PARD3B: variants seen among roughly 807,000 people sequenced by gnomAD.
The protein encoded by PARD3B is partitioning defective 3 homolog B.
In PARD3B, 103 loss-of-function variants were observed where a neutral mutation model predicts 130.2. That is an observed-to-expected ratio of 0.79 (90% confidence interval 0.67 to 0.93). The LOEUF is 0.93. Among genes scored for constraint, PARD3B ranks in the 40% least tolerant of loss-of-function variants. The pLI is 0.00. For missense variants in PARD3B, 1,609 were observed against 1,499.2 expected (o/e 1.07, Z -1.21); for synonymous variants, 583 against 553.2 (o/e 1.05, Z -0.76).
At chr2:205,054,404 TTATATATATA>T (rs1298451651) in intron 4 of PARD3B, among the ~76,000 whole-genome samples, 10 of 33,816 alleles carry the variant, frequency 3.0e-4, no homozygotes, top group African/African-American at 3.6e-4. Context: ...GACATGTCTT[TTATATATATA>T]TATATATATA....
rs1164748511 is a variant in PARD3B, at chr2:205,292,009, G to T, written c.2186-8521G>T. On this transcript the variant is annotated intron_variant, in intron 16 of 22. Transcript: ENST00000406610. This position sits in a 1 kb window ranked among gnomAD's most constrained non-coding sequence, Gnocchi z 5.3. ...GAGTGGTGTCAAAGGAGGGGCTGCTGGTGCCCTCAGGACCTCAGTGCATGC... is the reference window on the plus strand; with the variant it reads ...GAGTGGTGTCAAAGGAGGGGCTGCTTGTGCCCTCAGGACCTCAGTGCATGC... Among the ~76,000 whole-genome samples, 1 of 152,182 alleles carries T rather than the reference G, an allele frequency of 6.6e-6. No homozygotes were observed. The highest frequency in any genetic ancestry group is 1.5e-5 in the Non-Finnish European group (1 of 68,042).
chr2:205,340,927 G>A (rs1225591326), intron 18 of PARD3B, among the ~76,000 whole-genome samples: 1 of 151,968 alleles, frequency 6.6e-6, no homozygotes, highest in Non-Finnish European at 1.5e-5. Context: ...ATTAAAATGT[G>A]CACAAATAAG....
rs148563395 is a variant in PARD3B, at chr2:204,840,688, G to A, written c.223-124464G>A. Among the ~76,000 whole-genome samples the A allele has an allele frequency of 6.3e-3, 952 of 152,148 alleles. 4 individuals are homozygous for A. The highest frequency in any genetic ancestry group is 0.01 in the Non-Finnish European group (701 of 67,992). On this transcript the variant is annotated intron_variant, in intron 2 of 22. Transcript: ENST00000406610. ...CTTATCTAACCACAATGATAAGTACGGTAGTGTCATCCAGGGTTTCATCTT... is the reference window on the plus strand; with the variant it reads ...CTTATCTAACCACAATGATAAGTACAGTAGTGTCATCCAGGGTTTCATCTT...
intron 22 of PARD3B, among the ~76,000 whole-genome samples, chr2:205,596,862 G>T (rs1559254342): frequency 6.6e-6 from 1 of 151,934 alleles, no homozygotes; most frequent in Non-Finnish European, 1.5e-5. Flanking sequence ...GAAGGATGAG[G>T]GAAGCCCTTT....
At chr2:205,030,532 C>T (rs1697341432) in intron 3 of PARD3B, among the ~76,000 whole-genome samples, 1 of 152,010 alleles carries the variant, frequency 6.6e-6, no homozygotes, top group Admixed American at 6.6e-5. Context: ...GGGAACTTAA[C>T]GTTTCTTCTG....
At chr2:205,614,717 TA>T (rs557171777) in intron 22 of PARD3B, among the ~76,000 whole-genome samples, 2,209 of 138,284 alleles carry the variant, frequency 0.016, 35 homozygotes, top group African/African-American at 0.044. Context: ...AAAAAAAAAT[TA>T]AAAAAAAAAA....
chr2:205,438,895 A>G (rs1185456922), intron 19 of PARD3B, among the ~76,000 whole-genome samples: 1 of 152,164 alleles, frequency 6.6e-6, no homozygotes, highest in Non-Finnish European at 1.5e-5. Context: ...TAACTTGAGG[A>G]TAGGTGCTGG....
chr2:205,094,145 C>A (rs1040366496), intron 4 of PARD3B, among the ~76,000 whole-genome samples: 5 of 152,166 alleles, frequency 3.3e-5, no homozygotes, highest in Non-Finnish European at 5.9e-5. Flanking sequence ...CTGAAGAAAA[C>A]CCTTCCCCAA....
At chr2:205,374,180 G>GAAAAA (rs58332160) in intron 18 of PARD3B, among the ~76,000 whole-genome samples, 3 of 143,392 alleles carry the variant, frequency 2.1e-5, no homozygotes, top group African/African-American at 2.6e-5. Context: ...GAGGAAAAAT[G>GAAAAA]AAAAAAAAAA....
chr2:204,944,853 T>G (rs1689186555), intron 2 of PARD3B, among the ~76,000 whole-genome samples: 1 of 152,196 alleles, frequency 6.6e-6, no homozygotes, highest in South Asian at 2.1e-4. Flanking sequence ...TCTCTCCAGC[T>G]TACCTCACAG....
At chr2:205,480,694 C>T (rs967563670) in intron 20 of PARD3B, among the ~76,000 whole-genome samples, 1 of 152,164 alleles carries the variant, frequency 6.6e-6, no homozygotes, top group Non-Finnish European at 1.5e-5. Flanking sequence ...GTAAAACAGC[C>T]TGAACAGGAC....
Position 205,292,090 on chromosome 2 carries a change from T to A in PARD3B, c.2186-8440T>A, listed in dbSNP as rs775107492. On this transcript the variant is annotated intron_variant, in intron 16 of 22. Transcript: ENST00000406610. This position sits in a 1 kb window ranked among gnomAD's most constrained non-coding sequence, Gnocchi z 5.3. The stretch of plus-strand genomic sequence containing the variant: ...TATTCCTTGTGCTGTAGTGTCAAAT[T>A]GCTTGGACACCCCAGGTAGAGCTCC... Among the ~76,000 whole-genome samples the A allele has an allele frequency of 6.6e-6, 1 of 152,132 alleles. No individual in the cohort carries two copies. Among genetic ancestry groups the A allele is most frequent in the Non-Finnish European group, 1.5e-5 (1 of 68,022 alleles).
At chr2:205,036,258 G>A (rs1228401950) in intron 3 of PARD3B, among the ~76,000 whole-genome samples, 3 of 144,144 alleles carry the variant, frequency 2.1e-5, no homozygotes, top group African/African-American at 5.1e-5. Flanking sequence ...TATGTATATA[G>A]TGGGCTATAT....
intron 1 of PARD3B, among the ~76,000 whole-genome samples, chr2:204,608,652 C>G (rs981278989): frequency 1.3e-5 from 2 of 152,218 alleles, no homozygotes; most frequent in South Asian, 4.1e-4. Flanking sequence ...ATTCATTTCA[C>G]AGGGATCTCA....
chr2:205,332,931 A>C (rs568589753), intron 18 of PARD3B, among the ~76,000 whole-genome samples: 1 of 152,222 alleles, frequency 6.6e-6, no homozygotes, highest in Non-Finnish European at 1.5e-5. Context: ...TTAGTGATTC[A>C]TTCCTTAGCT....
At chr2:204,775,186 T>TA (rs1001831438) in intron 2 of PARD3B, among the ~76,000 whole-genome samples, 36 of 152,068 alleles carry the variant, frequency 2.4e-4, no homozygotes, top group African/African-American at 7.7e-4. Flanking sequence ...TAAATACGGA[T>TA]AAAAAAAGTG....
In PARD3B at chr2:205,162,784, C is replaced by A. The variant is rs922647399; in HGVS notation, c.1620+3877C>A. Among the ~76,000 whole-genome samples the A allele has an allele frequency of 5.3e-5, 8 of 152,258 alleles. 1 individual carries two copies. The South Asian group carries it at 1.7e-3, about 32-fold the overall frequency. Reference sequence around the variant, plus strand: ...AATCCACATCAAAATGTCCCTAAATCCACATCAAAATTTGCGTTTTATTTT... The same window carrying A: ...AATCCACATCAAAATGTCCCTAAATACACATCAAAATTTGCGTTTTATTTT... On this transcript the variant is annotated intron_variant, in intron 11 of 22. Coordinates refer to ENST00000406610, the MANE Select transcript of PARD3B (RefSeq NM_001302769.2).
At chr2:204,596,962 C>CTCTATATA (rs1559176131) in intron 1 of PARD3B, among the ~76,000 whole-genome samples, 1 of 146,216 alleles carries the variant, frequency 6.8e-6, no homozygotes, top group African/African-American at 2.5e-5. Flanking sequence ...CTCTCTCTCT[C>CTCTATATA]TATATATATA....
At chr2:205,496,672 G>A (rs912721364) in intron 20 of PARD3B, among the ~76,000 whole-genome samples, 2 of 152,018 alleles carry the variant, frequency 1.3e-5, no homozygotes, top group East Asian at 1.9e-4. Context: ...TTTGAGAACA[G>A]CAATCTGATC....
Sources: gnomAD v4.1 joint callset for allele counts (sites outside exome capture counted in the v4.1 genomes callset) on GRCh38, gnomAD v4.1.1 for gene constraint, Gnocchi (gnomAD v3.1) non-coding constraint, MANE v1.5 for transcripts, NCBI Gene and HGNC (gene_info 2026-07-23, HGNC 2026-07-21) for gene names.